Variants in PPP2R5C observed in about 807,000 individuals in gnomAD.
PPP2R5C encodes protein phosphatase 2 regulatory subunit B'gamma, also known as serine/threonine-protein phosphatase 2A 56 kDa regulatory subunit gamma isoform.
Under a neutral mutation model 68.9 loss-of-function variants are expected in PPP2R5C, and 7 were observed. That is an observed-to-expected ratio of 0.10 (90% confidence interval 0.06 to 0.19). The LOEUF is 0.19. PPP2R5C is among the 10% of genes least tolerant of loss of function. The pLI is 1.00. For missense variants in PPP2R5C, 348 were observed against 641.3 expected, an observed-to-expected ratio of 0.54 and a Z score of 4.94; for synonymous variants, 210 against 222.2, an observed-to-expected ratio of 0.95 and a Z score of 0.49.
chr14:101,821,452 G>GGAGT (rs1555386194), intron 1 of PPP2R5C, among the ~76,000 whole-genome samples: 1 of 121,358 alleles, frequency 8.2e-6, no homozygotes, highest in Non-Finnish European at 1.7e-5. Context: ...TGGGTGGGTG[G>GGAGT]GTGTGTGTGT....
chr14:101,831,758 A>G lies in PPP2R5C; in HGVS notation c.94+21722A>G, dbSNP rs1450878075. On this transcript the variant is annotated intron_variant, in intron 1 of 13. Coordinates refer to ENST00000334743, the Ensembl canonical transcript of PPP2R5C. ...TACAGAGGGCCAACTTTTCATACGC[A>G]CGGGTTCTGCGGGCCGACTGTGGGA... 4 of 702,454 alleles carry G rather than the reference A, an allele frequency of 5.7e-6. No homozygotes were observed. The East Asian group carries it at 1.1e-4, about 19-fold the overall frequency. The allele number at this position is 702,454 out of a possible 1,614,324, so 43.5% of individuals were successfully genotyped here. A position where few individuals can be genotyped will look rare whatever the true frequency, so the allele number is the denominator to read the frequency against.
intron 8 of PPP2R5C, among the ~76,000 whole-genome samples, chr14:101,894,970 C>T (rs1043068385): frequency 5.9e-5 from 9 of 152,078 alleles, no homozygotes; most frequent in African/African-American, 2.2e-4. Flanking sequence ...GAGGCTTTAC[C>T]GCCTTGAAAA....
chr14:101,794,516 C>T lies in PPP2R5C; in HGVS notation c.259+8333C>T, dbSNP rs189931412. 1.1e-3 allele frequency among the ~76,000 whole-genome samples: 169 copies of T among 152,230 alleles called. 1 individual carries two copies. The highest frequency in any genetic ancestry group is 3.9e-3 in the African/African-American group (160 of 41,518). On this transcript the variant is annotated intron_variant, in intron 3 of 14. Transcript: ENST00000328724. ...TCCCAAGTAGCTGGGATTACAGGCA[C>T]GCACCACCATGCCTGGCTACTGTTG...
At chr14:101,811,902 G>T (rs1246666711) in intron 1 of PPP2R5C, among the ~76,000 whole-genome samples, 1 of 151,824 alleles carries the variant, frequency 6.6e-6, no homozygotes, top group African/African-American at 2.4e-5. Flanking sequence ...TGGCCAGTTT[G>T]TATTTGTTGC....
chr14:101,786,125 T>A (rs144224754), exon 3 of PPP2R5C: 2 of 1,589,526 alleles, frequency 1.3e-6, no homozygotes, highest in East Asian at 4.5e-5. Context: ...AACGGCAAAA[T>A]TCTTCAAGGT....
intron 3 of PPP2R5C, among the ~76,000 whole-genome samples, chr14:101,792,556 T>C (rs1051881025): frequency 5.9e-5 from 9 of 152,258 alleles, no homozygotes; most frequent in African/African-American, 1.9e-4. Context: ...AGCTTAATTC[T>C]TTGTCTTTTA....
chr14:101,915,020 A>G lies in PPP2R5C; in HGVS notation c.1326+2547A>G, dbSNP rs3783369. On this transcript the variant is annotated intron_variant, in intron 12 of 13. Transcript: ENST00000334743. This position sits in a 1 kb window ranked among gnomAD's most constrained non-coding sequence, Gnocchi z 4.2. ...TGCCTTTCCTTCGAGAGAGGAGCTC[A>G]TGTGCGGAATGCACCTCAGTGAAGG... 0.12 allele frequency among the ~76,000 whole-genome samples: 18,030 copies of G among 152,164 alleles called. 1,536 individuals are homozygous for G. The highest frequency in any genetic ancestry group is 0.3 in the East Asian group (1,543 of 5,158).
At chr14:101,760,617 C>G, upstream of PPP2R5C, 4 of 768,474 alleles carry the variant, frequency 5.2e-6, no homozygotes, top group Non-Finnish European at 6.1e-6. Flanking sequence ...ACGGGACTGT[C>G]GGGTAGGCGG....
At chr14:101,849,279 T>G (rs2042013404) in intron 1 of PPP2R5C, among the ~76,000 whole-genome samples, 2 of 152,204 alleles carry the variant, frequency 1.3e-5, no homozygotes, top group Admixed American at 6.5e-5. Context: ...AGTGCTGTCC[T>G]GGCTGTCAAC....
intron 11 of PPP2R5C, among the ~76,000 whole-genome samples, chr14:101,911,441 T>C (rs2046385033): frequency 6.6e-6 from 1 of 152,210 alleles, no homozygotes; most frequent in Non-Finnish European, 1.5e-5. Flanking sequence ...AGCTGCATGG[T>C]CTGTTCTCAT....
chr14:101,836,588 C>A (rs1479923126), intron 1 of PPP2R5C: 16 of 519,366 alleles, frequency 3.1e-5, no homozygotes, highest in South Asian at 2.2e-4. Context: ...TGGGGTGTTG[C>A]ATGCATTTTT....
chr14:101,836,531 T>C lies in PPP2R5C; in HGVS notation c.95-20155T>C, dbSNP rs571473826. The stretch of plus-strand genomic sequence containing the variant: ...GATAGTTCTTTTTCAAAATATTGTT[T>C]AGACAAAATAAATTTCTTTAAATAT... On this transcript the variant is annotated intron_variant, in intron 1 of 13. Coordinates refer to ENST00000334743, the Ensembl canonical transcript of PPP2R5C. The C allele has an allele frequency of 2.2e-4, 124 of 573,638 alleles. 2 individuals are homozygous for C. In the South Asian group the frequency reaches 2.7e-3, roughly 12 times the overall value. The allele number at this position is 573,638 out of a possible 1,614,324, so 35.5% of individuals were successfully genotyped here.
chr14:101,811,336 A>G (rs2039347409), intron 1 of PPP2R5C, among the ~76,000 whole-genome samples: 1 of 152,090 alleles, frequency 6.6e-6, no homozygotes, highest in African/African-American at 2.4e-5. Flanking sequence ...TTTAAGTTAG[A>G]TAGCTTTTGT....
At chr14:101,784,027 G>A (rs2037968807) in intron 2 of PPP2R5C, among the ~76,000 whole-genome samples, 2 of 152,184 alleles carry the variant, frequency 1.3e-5, no homozygotes, top group Admixed American at 1.3e-4. Context: ...AAGATTGACA[G>A]ATGTCAAGCT....
At chr14:101,827,561 C>T (rs1347987840) in intron 1 of PPP2R5C, among the ~76,000 whole-genome samples, 1 of 152,238 alleles carries the variant, frequency 6.6e-6, no homozygotes, top group Non-Finnish European at 1.5e-5. Flanking sequence ...ACCTGACTCA[C>T]AGCTGTTGCT....
intron 12 of PPP2R5C, among the ~76,000 whole-genome samples, chr14:101,912,795 T>C (rs1264700560): frequency 6.6e-6 from 1 of 152,240 alleles, no homozygotes; most frequent in African/African-American, 2.4e-5. Flanking sequence ...ATAGATGCTG[T>C]CACTCAAACA....
intron 2 of PPP2R5C, among the ~76,000 whole-genome samples, chr14:101,864,320 C>A (rs927533961): frequency 6.6e-6 from 1 of 152,078 alleles, no homozygotes; most frequent in African/African-American, 2.4e-5. Flanking sequence ...CCAGAAATAT[C>A]CAAATCTATT....
rs1332394535 is a variant in PPP2R5C at position 101,913,016 on chromosome 14, G to A, written c.1326+543G>A. 6.6e-6 allele frequency among the ~76,000 whole-genome samples: 1 copy of A among 152,228 alleles called. No individual in the cohort carries two copies. Among genetic ancestry groups the A allele is most frequent in the Non-Finnish European group, 1.5e-5 (1 of 68,044 alleles). On this transcript the variant is annotated intron_variant, in intron 12 of 13. Transcript: ENST00000334743. The surrounding 1 kb of genome is among the most constrained non-coding windows in gnomAD (Gnocchi z 4.1). ...AGCGGGTGCCAGTGTGCTCTGGTGAGTCTGCGCCGATGGCCGGACGTCCCG... is the reference window on the plus strand; with the variant it reads ...AGCGGGTGCCAGTGTGCTCTGGTGAATCTGCGCCGATGGCCGGACGTCCCG...
At chr14:101,780,701 C>G (rs1383494804) in intron 2 of PPP2R5C, among the ~76,000 whole-genome samples, 1 of 152,202 alleles carries the variant, frequency 6.6e-6, no homozygotes, top group African/African-American at 2.4e-5. Flanking sequence ...TGATCAGGTT[C>G]AGGCTGGACT....
Sources: gnomAD v4.1 joint callset for allele counts (sites outside exome capture counted in the v4.1 genomes callset) on GRCh38, gnomAD v4.1.1 for gene constraint, Gnocchi (gnomAD v3.1) non-coding constraint, MANE v1.5 for transcripts, NCBI Gene and HGNC (gene_info 2026-07-23, HGNC 2026-07-21) for gene names.